Variants in LRRC3B observed in about 807,000 individuals in gnomAD.
The protein encoded by LRRC3B is leucine rich repeat containing 3B.
LRRC3B carries 2 observed loss-of-function variants against 12.8 expected under a neutral mutation model. The ratio of observed to expected loss-of-function variants is 0.16; its 90% CI spans 0.06 to 0.49. LRRC3B has a LOEUF of 0.49. Among genes scored for constraint, LRRC3B ranks in the 20% least tolerant of loss-of-function variants. LRRC3B has a pLI of 0.96. For synonymous variants in LRRC3B, 132 were observed against 122.0 expected (o/e 1.08, Z -0.54); for missense variants, 189 against 319.4 (o/e 0.59, Z 3.11).
intron 1 of LRRC3B, among the ~76,000 whole-genome samples, chr3:26,679,259 A>T (rs1249738334): frequency 3.3e-5 from 5 of 152,180 alleles, no homozygotes; most frequent in African/African-American, 9.6e-5. Context: ...TCAATATGTA[A>T]ATCAGTTCAT....
intron 1 of LRRC3B, among the ~76,000 whole-genome samples, chr3:26,678,558 C>A (rs938409978): frequency 5.3e-5 from 8 of 151,858 alleles, no homozygotes; most frequent in Admixed American, 5.2e-4. Flanking sequence ...GAATCAGATT[C>A]TGCATCCTGA....
chr3:26,678,902 G>A (rs1699916372), intron 1 of LRRC3B, among the ~76,000 whole-genome samples: 1 of 152,084 alleles, frequency 6.6e-6, no homozygotes, highest in Non-Finnish European at 1.5e-5. Context: ...TAAAAAAAAA[G>A]TGAAAACTGG....
Position 26,677,848 on chromosome 3 carries a change from T to G in LRRC3B, c.-160-31665T>G, listed in dbSNP as rs569184494. On this transcript the variant is annotated intron_variant, in intron 1 of 1. Transcript: ENST00000396641. ...CAGGGTCTCACTCTGTCATCCAGGCTGGAGTGCTGTGGTGCGATCATGGCT... is the reference window on the plus strand; with the variant it reads ...CAGGGTCTCACTCTGTCATCCAGGCGGGAGTGCTGTGGTGCGATCATGGCT... Among the ~76,000 whole-genome samples the G allele has an allele frequency of 2.1e-3, 317 of 152,270 alleles. 1 individual carries two copies. Among genetic ancestry groups the G allele is most frequent in the Middle Eastern group, 0.021 (6 of 292 alleles).
At chr3:26,708,164 G>GTTGT (rs1306191483) in intron 1 of LRRC3B, among the ~76,000 whole-genome samples, 2 of 152,256 alleles carry the variant, frequency 1.3e-5, no homozygotes, top group Admixed American at 6.5e-5. Flanking sequence ...CATGCAGAAA[G>GTTGT]TTGTTTGTTG....
chr3:26,690,422 G>T (rs1001057337), intron 1 of LRRC3B, among the ~76,000 whole-genome samples: 2 of 152,120 alleles, frequency 1.3e-5, no homozygotes, highest in African/African-American at 4.8e-5. Flanking sequence ...ATGCCAATCT[G>T]GTTTTATTTA....
At chr3:26,669,912 G>C (rs1049981198) in intron 1 of LRRC3B, among the ~76,000 whole-genome samples, 1 of 152,180 alleles carries the variant, frequency 6.6e-6, no homozygotes, top group African/African-American at 2.4e-5. Context: ...TCCCAGGTGA[G>C]AGTCCTCCTT....
chr3:26,705,417 G>GTCGAGATTT (rs1700562477), intron 1 of LRRC3B, among the ~76,000 whole-genome samples: 1 of 151,958 alleles, frequency 6.6e-6, no homozygotes, highest in Non-Finnish European at 1.5e-5. Flanking sequence ...AGTCCAGTGA[G>GTCGAGATTT]TCGAGATTTG....
intron 1 of LRRC3B, among the ~76,000 whole-genome samples, chr3:26,631,719 C>T (rs1337267726): frequency 6.6e-6 from 1 of 151,104 alleles, no homozygotes; most frequent in Non-Finnish European, 1.5e-5. Context: ...TCAGAAAATG[C>T]CCTCTTTTTG....
At chr3:26,706,463 A>G (rs1051373841) in intron 1 of LRRC3B, among the ~76,000 whole-genome samples, 2 of 152,182 alleles carry the variant, frequency 1.3e-5, no homozygotes, top group African/African-American at 4.8e-5. Context: ...TATCAAACAT[A>G]ATAGAAAATG....
chr3:26,641,078 G>A (rs1471867903), intron 1 of LRRC3B, among the ~76,000 whole-genome samples: 1 of 152,194 alleles, frequency 6.6e-6, no homozygotes, highest in African/African-American at 2.4e-5. Context: ...CGTGAAGGAA[G>A]CTGGTGAAGA....
intron 1 of LRRC3B, among the ~76,000 whole-genome samples, chr3:26,646,722 A>G (rs577418681): frequency 6.7e-6 from 1 of 149,398 alleles, no homozygotes; most frequent in East Asian, 2.1e-4. Context: ...GATCCTGTGG[A>G]GGATGCAAAA....
chr3:26,702,821 C>G (rs535255522), intron 1 of LRRC3B, among the ~76,000 whole-genome samples: 1 of 152,018 alleles, frequency 6.6e-6, no homozygotes, highest in South Asian at 2.1e-4. Flanking sequence ...GCAAGGGACA[C>G]GTAGAATGGA....
chr3:26,685,486 C>CTCT (rs1700057482), intron 1 of LRRC3B, among the ~76,000 whole-genome samples: 1 of 49,572 alleles, frequency 2.0e-5, no homozygotes, highest in Non-Finnish European at 3.4e-5. Context: ...AGACTCTCTC[C>CTCT]CTCTCTCTCT....
At chr3:26,637,326 G>A (rs534094413) in intron 1 of LRRC3B, among the ~76,000 whole-genome samples, 1 of 152,104 alleles carries the variant, frequency 6.6e-6, no homozygotes, top group Non-Finnish European at 1.5e-5. Context: ...AAAATTAGTG[G>A]TAATTTATGG....
chr3:26,670,422 C>T (rs959264486), intron 1 of LRRC3B, among the ~76,000 whole-genome samples: 8 of 152,064 alleles, frequency 5.3e-5, no homozygotes, highest in Non-Finnish European at 8.8e-5. Context: ...GTTATGATTC[C>T]GAGGGCTTCA....
At chr3:26,694,190 A>T (rs1332375843) in intron 1 of LRRC3B, among the ~76,000 whole-genome samples, 1 of 152,208 alleles carries the variant, frequency 6.6e-6, no homozygotes, top group Non-Finnish European at 1.5e-5. Context: ...AGGTAGTATT[A>T]AATGTTGTGC....
At chr3:26,634,747 A>G (rs926324339) in intron 1 of LRRC3B, among the ~76,000 whole-genome samples, 1 of 152,206 alleles carries the variant, frequency 6.6e-6, no homozygotes, top group Non-Finnish European at 1.5e-5. Flanking sequence ...AAAGGCTTTT[A>G]AGGAAATGAT....
chr3:26,688,164 G>A (rs901654485), intron 1 of LRRC3B, among the ~76,000 whole-genome samples: 4 of 152,188 alleles, frequency 2.6e-5, no homozygotes, highest in South Asian at 2.1e-4. Flanking sequence ...CATGAATTAC[G>A]TTGAGTAAAA....
At chr3:26,699,132 A>G (rs2125457029) in intron 1 of LRRC3B, among the ~76,000 whole-genome samples, 1 of 152,246 alleles carries the variant, frequency 6.6e-6, no homozygotes, top group South Asian at 2.1e-4. Context: ...AATTGGTCTG[A>G]TGCTTTCCTC....
Sources: allele counts gnomAD v4.1 joint callset (sites outside exome capture counted in the v4.1 genomes callset), GRCh38; gene constraint gnomAD v4.1.1; transcripts MANE v1.5; gene names NCBI Gene and HGNC (gene_info 2026-07-23, HGNC 2026-07-21).